SNX29: variants seen among roughly 807,000 people sequenced by gnomAD.
SNX29 encodes sorting nexin-29.
SNX29 carries 78 observed loss-of-function variants against 102.1 expected under a neutral mutation model. That is an observed-to-expected ratio of 0.76 (90% confidence interval 0.64 to 0.92). The LOEUF (loss-of-function observed/expected upper bound fraction) is 0.92. Ranked by LOEUF, SNX29 falls within the 40% of genes least tolerant of loss-of-function variation. The pLI is 0.00. For synonymous variants in SNX29, 580 were observed against 414.5 expected (o/e 1.40, Z -4.85); for missense variants, 1,280 against 1,061.7 (o/e 1.21, Z -2.86).
chr16:12,281,594 T>C (rs576018789), intron 15 of SNX29, among the ~76,000 whole-genome samples: 1 of 152,334 alleles, frequency 6.6e-6, no homozygotes, highest in African/African-American at 2.4e-5. Context: ...ACAGCCCCTG[T>C]AATACTAGCA....
chr16:12,010,458 CAAA>C (rs544034548), intron 3 of SNX29, among the ~76,000 whole-genome samples: 100 of 152,084 alleles, frequency 6.6e-4, no homozygotes, highest in African/African-American at 2.4e-3. Flanking sequence ...CCCATGTCTA[CAAA>C]AAAACCAAAA....
At chr16:12,236,530 C>T (rs1374568744) in intron 14 of SNX29, among the ~76,000 whole-genome samples, 2 of 152,172 alleles carry the variant, frequency 1.3e-5, no homozygotes, top group Non-Finnish European at 2.9e-5. Context: ...TTTCCGCATC[C>T]CTGAAGACTT....
intron 13 of SNX29, among the ~76,000 whole-genome samples, chr16:12,186,889 C>T (rs1415983813): frequency 3.3e-5 from 5 of 152,194 alleles, no homozygotes; most frequent in Non-Finnish European, 2.9e-5. Flanking sequence ...AAGTAGACTT[C>T]TGGTCTCACA....
intron 20 of SNX29, among the ~76,000 whole-genome samples, chr16:12,527,802 T>C (rs563458417): frequency 3.9e-5 from 6 of 152,142 alleles, no homozygotes; most frequent in South Asian, 2.1e-4. Flanking sequence ...GGGTTTTGTT[T>C]TGTTATTTAT....
At chr16:12,116,640 C>T (rs1460975485) in intron 11 of SNX29, among the ~76,000 whole-genome samples, 1 of 152,208 alleles carries the variant, frequency 6.6e-6, no homozygotes, top group African/African-American at 2.4e-5. Context: ...CGCCACCATA[C>T]TCCAGCCTGG....
chr16:12,344,709 T>C (rs2081735980), intron 15 of SNX29, among the ~76,000 whole-genome samples: 1 of 152,228 alleles, frequency 6.6e-6, no homozygotes, highest in Non-Finnish European at 1.5e-5. Context: ...GTGGCCTCAC[T>C]GTATCCTCCT....
chr16:12,043,636 T>C (rs1298550279), intron 5 of SNX29, among the ~76,000 whole-genome samples: 3 of 151,518 alleles, frequency 2.0e-5, no homozygotes, highest in Admixed American at 1.3e-4. Flanking sequence ...GGATTACAGG[T>C]ATGAGCTACC....
At chr16:12,402,764 C>T (rs78840006) in intron 17 of SNX29, among the ~76,000 whole-genome samples, 2,601 of 152,238 alleles carry the variant, frequency 0.017, 60 homozygotes, top group East Asian at 0.054. Flanking sequence ...AATTATTTTG[C>T]ATTTGAATTT....
chr16:12,192,372 C>G (rs1425414160), intron 13 of SNX29, among the ~76,000 whole-genome samples: 1 of 152,190 alleles, frequency 6.6e-6, no homozygotes, highest in African/African-American at 2.4e-5. Flanking sequence ...CTCTTCGGTC[C>G]TCTCAGTTCT....
At chr16:12,149,082 T>C (rs977259881) in intron 13 of SNX29, among the ~76,000 whole-genome samples, 8 of 152,186 alleles carry the variant, frequency 5.3e-5, no homozygotes, top group Non-Finnish European at 8.8e-5. Flanking sequence ...GCTCAGTGGA[T>C]GTTTGTTGAA....
chr16:12,115,815 T>G (rs1376611569), intron 11 of SNX29, among the ~76,000 whole-genome samples: 1 of 152,206 alleles, frequency 6.6e-6, no homozygotes, highest in Non-Finnish European at 1.5e-5. Flanking sequence ...GTACCTCGCT[T>G]GCAGCTCTCT....
At chr16:12,385,497 G>A (rs1023755615) in intron 16 of SNX29, among the ~76,000 whole-genome samples, 1 of 152,204 alleles carries the variant, frequency 6.6e-6, no homozygotes, top group Admixed American at 6.5e-5. Context: ...GCAGGGAGAA[G>A]TGAAGGAAGG....
chr16:12,563,165 C>G (rs12325256), intron 20 of SNX29, among the ~76,000 whole-genome samples: 16,336 of 150,976 alleles, frequency 0.11, 1,077 homozygotes, highest in South Asian at 0.14. Flanking sequence ...GGGGGCAACT[C>G]TGGGCTCAGG....
intron 18 of SNX29, among the ~76,000 whole-genome samples, chr16:12,477,175 C>T (rs977106786): frequency 6.6e-6 from 1 of 152,180 alleles, no homozygotes; most frequent in African/African-American, 2.4e-5. Flanking sequence ...CTTATCCCAT[C>T]TGGACACGGC....
At chr16:12,335,887 A>T (rs541081207) in intron 15 of SNX29, among the ~76,000 whole-genome samples, 1 of 152,168 alleles carries the variant, frequency 6.6e-6, no homozygotes, top group African/African-American at 2.4e-5. Context: ...GCTCAAGCTC[A>T]TGTGGCTCAT....
At chr16:12,051,190 G>A (rs1443254431) in intron 7 of SNX29, among the ~76,000 whole-genome samples, 2 of 152,122 alleles carry the variant, frequency 1.3e-5, no homozygotes, top group African/African-American at 4.8e-5. Context: ...TTAGCTGGGT[G>A]TTGTGGCATG....
intron 19 of SNX29, among the ~76,000 whole-genome samples, chr16:12,523,112 C>T (rs1300279180): frequency 4.6e-5 from 7 of 152,288 alleles, no homozygotes; most frequent in Admixed American, 6.5e-5. Context: ...CCACACCTGG[C>T]CTGTGGGAGC....
chr16:12,158,958 C>T (rs2055668801), intron 13 of SNX29, among the ~76,000 whole-genome samples: 1 of 152,214 alleles, frequency 6.6e-6, no homozygotes, highest in Non-Finnish European at 1.5e-5. Flanking sequence ...AATCATTTCT[C>T]CAATCATGGA....
rs572656376 is a variant in SNX29, at chr16:12,031,732, G to A, written c.247+4288G>A. ...AGGCAGGAGAATGGTGTGAACCCGG[G>A]AGGCGGAGCTTGCAGTGAGCCGAGA... On this transcript the variant is annotated intron_variant, in intron 4 of 20. Coordinates refer to ENST00000566228, the MANE Select transcript of SNX29 (RefSeq NM_032167.5). Among the ~76,000 whole-genome samples the A allele has an allele frequency of 4.9e-4, 75 of 152,188 alleles. 1 individual carries two copies. Among genetic ancestry groups the A allele is most frequent in the African/African-American group, 1.8e-3 (73 of 41,524 alleles).
Sources: allele counts gnomAD v4.1 joint callset (sites outside exome capture counted in the v4.1 genomes callset), GRCh38; gene constraint gnomAD v4.1.1; transcripts MANE v1.5; gene names NCBI Gene and HGNC (gene_info 2026-07-23, HGNC 2026-07-21).